The following ADTRP variants were observed in gnomAD, a reference collection of about 807,000 sequenced individuals.
ADTRP encodes the protein androgen dependent TFPI regulating protein, also known as androgen-dependent TFPI-regulating protein.
A neutral mutation model predicts 27.0 loss-of-function variants in ADTRP; 20 were observed. The observed-to-expected ratio is 0.74, with a 90% confidence interval of 0.52 to 1.08. ADTRP has a LOEUF of 1.08. Ranked by LOEUF, ADTRP falls within the 50% of genes least tolerant of loss-of-function variation. The probability of loss-of-function intolerance (pLI) is 0.00; values close to 1 mark genes in which losing one functional copy is unlikely to be tolerated. For synonymous variants in ADTRP, 101 were observed against 105.2 expected (o/e 0.96, Z 0.25); for missense variants, 251 against 275.0 (o/e 0.91, Z 0.62).
chr6:11,776,980 T>A lies in ADTRP; in HGVS notation c.153+1627A>T, dbSNP rs963359167. On this transcript the variant is annotated intron_variant, in intron 1 of 5. Transcript: ENST00000414691. ...CTAAGTGGCTGGATTGGACCATGAA[T>A]GGACAGTAAAGAGATGATATGGTCA... 1.1e-4 allele frequency among the ~76,000 whole-genome samples: 17 copies of A among 152,214 alleles called. 1 individual carries two copies. Among genetic ancestry groups the A allele is most frequent in the African/African-American group, 3.9e-4 (16 of 41,536 alleles).
intron 4 of ADTRP, among the ~76,000 whole-genome samples, chr6:11,725,898 T>C (rs1353806496): frequency 7.3e-5 from 1 of 13,792 alleles, no homozygotes. Context: ...AGACTCTATC[T>C]CAAAAAAAAA....
At chr6:11,716,978 G>A (rs138246158) in intron 5 of ADTRP, among the ~76,000 whole-genome samples, 121 of 149,460 alleles carry the variant, frequency 8.1e-4, no homozygotes, top group African/African-American at 2.5e-3. Flanking sequence ...CACCCGCCTC[G>A]GCCTCCCAAA....
chr6:11,723,515 A>G lies in ADTRP; in HGVS notation c.507-15T>C. 1.2e-6 allele frequency: 2 copies of G among 1,613,364 alleles called. No homozygotes were observed. The highest frequency in any genetic ancestry group is 2.2e-5 in the South Asian group (2 of 90,910). On this transcript the variant is annotated splice_polypyrimidine_tract_variant and intron_variant, in intron 4 of 5. Transcript: ENST00000414691. ...GCCATAGGATGCTGCAGGAAATAAG[A>G]AGTCGTGGTGGTTATAGCAGGAGGA... is the stretch of plus-strand genomic sequence containing the variant.
At chr6:11,772,404 C>G (rs975310573) in intron 1 of ADTRP, among the ~76,000 whole-genome samples, 3 of 152,208 alleles carry the variant, frequency 2.0e-5, no homozygotes, top group Admixed American at 1.3e-4. Flanking sequence ...CCACAAAAAT[C>G]TTCAAATCGT....
intron 4 of ADTRP, among the ~76,000 whole-genome samples, chr6:11,734,500 C>T (rs1762482978): frequency 6.6e-6 from 1 of 152,106 alleles, no homozygotes; most frequent in African/African-American, 2.4e-5. Context: ...TGAGCAAGTG[C>T]TTTCTTTAAG....
intron 5 of ADTRP, among the ~76,000 whole-genome samples, chr6:11,720,475 C>CT (rs1554110970): frequency 1.6e-4 from 24 of 148,876 alleles, no homozygotes; most frequent in African/African-American, 2.5e-4. Context: ...GGGATATACC[C>CT]TTTTCTTTTT....
At chr6:11,732,428 T>G (rs1383670025) in intron 4 of ADTRP, among the ~76,000 whole-genome samples, 1 of 152,166 alleles carries the variant, frequency 6.6e-6, no homozygotes, top group East Asian at 1.9e-4. Context: ...AACGTCTCCA[T>G]GGGTGTCTGC....
intron 3 of ADTRP, among the ~76,000 whole-genome samples, chr6:11,739,905 G>A (rs369392237): frequency 9.9e-5 from 15 of 152,034 alleles, no homozygotes; most frequent in East Asian, 9.6e-4. Flanking sequence ...TTTCCTGCGG[G>A]GACAAGAGCA....
At chr6:11,766,872 G>T (rs1174605166) in intron 2 of ADTRP, among the ~76,000 whole-genome samples, 1 of 152,144 alleles carries the variant, frequency 6.6e-6, no homozygotes, top group Admixed American at 6.5e-5. Context: ...CTGAGGGCTG[G>T]ATCTCCCTGG....
At chr6:11,754,261 A>G (rs1763144100) in intron 3 of ADTRP, among the ~76,000 whole-genome samples, 1 of 152,108 alleles carries the variant, frequency 6.6e-6, no homozygotes, top group Non-Finnish European at 1.5e-5. Context: ...GTTTTACCCC[A>G]TTGTAAAGTT....
chr6:11,737,365 C>T (rs1409290779), intron 3 of ADTRP, among the ~76,000 whole-genome samples: 2 of 152,080 alleles, frequency 1.3e-5, no homozygotes, highest in Admixed American at 6.6e-5. Context: ...CGGTGTTGGC[C>T]CCTCAGTTAG....
At chr6:11,745,303 C>G (rs1436925051) in intron 3 of ADTRP, among the ~76,000 whole-genome samples, 2 of 152,050 alleles carry the variant, frequency 1.3e-5, no homozygotes, top group East Asian at 1.9e-4. Context: ...CTAGGAAATG[C>G]CTTCATTCAA....
chr6:11,727,103 A>C (rs1209536701), intron 4 of ADTRP, among the ~76,000 whole-genome samples: 1 of 152,144 alleles, frequency 6.6e-6, no homozygotes, highest in Non-Finnish European at 1.5e-5. Context: ...GCTCACTGCA[A>C]GCTCCGCTTC....
chr6:11,757,433 TCCTCTTTGATATCTTTTCC>T (rs1268973756), intron 3 of ADTRP, among the ~76,000 whole-genome samples: 2 of 152,240 alleles, frequency 1.3e-5, no homozygotes, highest in African/African-American at 4.8e-5. Flanking sequence ...CGTCTGTTTC[TCCTCTTTGATATCTTTTCC>T]CCTCTTTGAT....
At chr6:11,762,844 A>C (rs1215543653) in intron 3 of ADTRP, among the ~76,000 whole-genome samples, 9 of 152,356 alleles carry the variant, frequency 5.9e-5, no homozygotes, top group Non-Finnish European at 8.8e-5. Flanking sequence ...CCAGAGAAAT[A>C]AGTCCCCCAG....
intron 3 of ADTRP, among the ~76,000 whole-genome samples, chr6:11,741,869 C>A (rs542204351): frequency 5.9e-5 from 9 of 152,136 alleles, no homozygotes; most frequent in African/African-American, 2.2e-4. Flanking sequence ...ATAATAACAC[C>A]CTACACACCT....
intron 1 of ADTRP, among the ~76,000 whole-genome samples, chr6:11,774,486 C>T (rs945452759): frequency 6.6e-6 from 1 of 152,220 alleles, no homozygotes; most frequent in South Asian, 2.1e-4. Context: ...TCCCCCAGCC[C>T]CAGGCCAGCA....
chr6:11,766,295 G>A lies in ADTRP; in HGVS notation c.369C>T (p.Pro123=), dbSNP rs368377136. 2.5e-5 allele frequency: 41 copies of A among 1,611,534 alleles called. No homozygotes were observed. The highest frequency in any genetic ancestry group is 1.6e-4 in the African/African-American group (12 of 74,838). Residue 123 remains proline, a synonymous_variant, in exon 3 of 6, where the codon CCC becomes CCT. Transcript: ENST00000414691. The part of the protein sequence containing the change: ...IYPKVLDTVI[P]VWLNHAMHTF... Reference sequence around the variant, plus strand: ...TCACCATTGCATGATTCAGCCACACGGGGATGACAGTATCTAGGACCTTGG... The same window carrying A: ...TCACCATTGCATGATTCAGCCACACAGGGATGACAGTATCTAGGACCTTGG...
At chr6:11,741,405 T>G (rs1400538189) in intron 3 of ADTRP, among the ~76,000 whole-genome samples, 2 of 152,210 alleles carry the variant, frequency 1.3e-5, no homozygotes, top group African/African-American at 4.8e-5. Flanking sequence ...AATAAGACAT[T>G]GGGGGAAACA....
Sources: allele counts gnomAD v4.1 joint callset (sites outside exome capture counted in the v4.1 genomes callset), GRCh38; gene constraint gnomAD v4.1.1; transcripts MANE v1.5; gene names NCBI Gene and HGNC (gene_info 2026-07-23, HGNC 2026-07-21).